USP47: variants seen among roughly 807,000 people sequenced by gnomAD.
The protein encoded by USP47 is ubiquitin carboxyl-terminal hydrolase 47.
Under a neutral mutation model 165.1 loss-of-function variants are expected in USP47, and 35 were observed. The observed-to-expected ratio is 0.21, with a 90% CI of 0.16 to 0.28. The LOEUF is 0.28. Ranked by LOEUF, USP47 falls within the 10% of genes least tolerant of loss-of-function variation. The pLI is 1.00. For missense variants in USP47, 1,277 were observed against 1,607.4 expected (o/e 0.79, Z 3.52); for synonymous variants, 531 against 544.5 (o/e 0.98, Z 0.35).
At position 11,948,517 on chromosome 11, in the gene USP47, T is replaced by A. The variant is rs760287937; in HGVS notation, c.3307T>A (p.Tyr1103Asn). Residue 1103 changes from tyrosine (Y) to asparagine (N), a missense_variant, in exon 22 of 28, where the codon TAC becomes AAC. By Grantham distance (143) the Tyr-to-Asn change is moderately radical. Transcript: ENST00000527733. ...GGGGAGAGCACTTAAAAAAGGAGAA[T>A]ACAGAGTTAAAGTATACCAGCTTTT... is the stretch of plus-strand genomic sequence containing the variant. The part of the protein sequence containing the change: ...RLGRALKKGE[Y>N]RVKVYQLLVN... 1.9e-6 allele frequency: 3 copies of A among 1,613,044 alleles called. No individual in the cohort carries two copies. The highest frequency in any genetic ancestry group is 2.5e-6 in the Non-Finnish European group (3 of 1,179,236).
intron 1 of USP47, among the ~76,000 whole-genome samples, chr11:11,871,183 C>G (rs1383022450): frequency 1.3e-5 from 2 of 152,106 alleles, no homozygotes; most frequent in East Asian, 3.9e-4. Flanking sequence ...ATCTGATGCC[C>G]TGTGCATTAT....
At chr11:11,927,700 T>A (rs982623759) in intron 11 of USP47, among the ~76,000 whole-genome samples, 6 of 152,152 alleles carry the variant, frequency 3.9e-5, no homozygotes, top group African/African-American at 1.4e-4. Flanking sequence ...TAATTCTGTT[T>A]GCTAGTACCA....
At chr11:11,937,863 A>G (rs1412467613) in intron 17 of USP47, among the ~76,000 whole-genome samples, 1 of 151,986 alleles carries the variant, frequency 6.6e-6, no homozygotes, top group Non-Finnish European at 1.5e-5. Context: ...CAAGTGATTA[A>G]GAGTTTAATT....
intron 10 of USP47, 151 bp downstream of exon 10, chr11:11,920,645 A>G: frequency 1.5e-6 from 1 of 646,800 alleles, no homozygotes; most frequent in Non-Finnish European, 2.4e-6. Flanking sequence ...GTGGAATTCA[A>G]TAAAATGATT....
chr11:11,919,174 G>A (rs1249697302), intron 8 of USP47, among the ~76,000 whole-genome samples: 2 of 151,778 alleles, frequency 1.3e-5, no homozygotes, highest in African/African-American at 4.8e-5. Context: ...ACAATATGTG[G>A]ACAGTAGTTT....
At chr11:11,950,526 C>A in intron 24 of USP47, 44 bp downstream of exon 24, 3 of 1,264,914 alleles carry the variant, frequency 2.4e-6, no homozygotes, top group South Asian at 1.3e-5. Flanking sequence ...TAGAAATACT[C>A]TAGAACTAAT....
At chr11:11,847,853 CTGAT>C (rs1421151788) in intron 1 of USP47, among the ~76,000 whole-genome samples, 4 of 152,188 alleles carry the variant, frequency 2.6e-5, no homozygotes, top group Admixed American at 2.6e-4. Flanking sequence ...TTATTACCCT[CTGAT>C]TGCAATTTGA....
At chr11:11,940,752 CTCT>C (rs2134768626) in intron 19 of USP47, among the ~76,000 whole-genome samples, 1 of 151,920 alleles carries the variant, frequency 6.6e-6, no homozygotes. Flanking sequence ...ACTGGTTCTC[CTCT>C]TCTTTGCCTT....
At chr11:11,859,909 G>T (rs553680665) in intron 1 of USP47, among the ~76,000 whole-genome samples, 218 of 151,946 alleles carry the variant, frequency 1.4e-3, no homozygotes, top group African/African-American at 5.1e-3. Flanking sequence ...TTCAAGACCA[G>T]CCTGGCCAAC....
chr11:11,941,485 T>TA (rs1373009771), intron 19 of USP47, among the ~76,000 whole-genome samples: 8 of 151,952 alleles, frequency 5.3e-5, no homozygotes, highest in Non-Finnish European at 8.8e-5. Flanking sequence ...AATTTCATTT[T>TA]AAAAAAAGAT....
intron 16 of USP47, 131 bp from the exon 17 acceptor site, chr11:11,936,172 T>C: frequency 2.8e-6 from 1 of 357,404 alleles, no homozygotes; most frequent in Non-Finnish European, 4.5e-6. Flanking sequence ...AAATCATAAA[T>C]GTGTGGATTT....
At chr11:11,935,590 A>T (rs971700594) in intron 16 of USP47, among the ~76,000 whole-genome samples, 1 of 151,968 alleles carries the variant, frequency 6.6e-6, no homozygotes, top group African/African-American at 2.4e-5. Context: ...GCTGAGGCTT[A>T]CAAGTCCTTC....
chr11:11,895,297 C>T (rs781645854), intron 4 of USP47, among the ~76,000 whole-genome samples: 24 of 152,184 alleles, frequency 1.6e-4, no homozygotes, highest in Non-Finnish European at 3.4e-4. Context: ...CTCTACTCCA[C>T]TCCCTTTCCC....
chr11:11,896,736 G>T (rs1477531617), intron 4 of USP47, among the ~76,000 whole-genome samples: 1 of 152,066 alleles, frequency 6.6e-6, no homozygotes, highest in Non-Finnish European at 1.5e-5. Context: ...CTCTAATACG[G>T]ATTAAATATA....
At chr11:11,928,858 T>A (rs1854446376) in intron 11 of USP47, among the ~76,000 whole-genome samples, 3 of 152,070 alleles carry the variant, frequency 2.0e-5, no homozygotes, top group Admixed American at 2.0e-4. Context: ...TTCCAAACTT[T>A]AAAGAATTGT....
At chr11:11,868,152 C>G (rs1196353103) in intron 1 of USP47, among the ~76,000 whole-genome samples, 1 of 152,188 alleles carries the variant, frequency 6.6e-6, no homozygotes, top group Non-Finnish European at 1.5e-5. Context: ...TTCACCCAGT[C>G]TACACTAATG....
chr11:11,902,886 C>T (rs201135033), intron 6 of USP47, 26 bp downstream of exon 6: 385 of 1,519,506 alleles, frequency 2.5e-4, no homozygotes, highest in Non-Finnish European at 3.2e-4. Flanking sequence ...TAATGATAAG[C>T]GTTCTAATAT....
At chr11:11,943,305 G>A (rs1473991104) in intron 20 of USP47, 193 bp downstream of exon 20, 1 of 449,552 alleles carries the variant, frequency 2.2e-6, no homozygotes, top group Admixed American at 3.9e-5. Context: ...AATTATATCA[G>A]AACTCTGAGA....
intron 8 of USP47, among the ~76,000 whole-genome samples, chr11:11,915,250 A>G (rs185209304): frequency 1.6e-3 from 241 of 152,346 alleles, no homozygotes; most frequent in Middle Eastern, 0.014. Context: ...TACATACTTT[A>G]TGATTCCATT....
Sources: allele counts gnomAD v4.1 joint callset (sites outside exome capture counted in the v4.1 genomes callset), GRCh38; gene constraint gnomAD v4.1.1; transcripts MANE v1.5; gene names NCBI Gene and HGNC (gene_info 2026-07-23, HGNC 2026-07-21).